FBN1: variants seen among roughly 807,000 people sequenced by gnomAD.
The protein encoded by FBN1 is fibrillin-1.
A neutral mutation model predicts 365.1 loss-of-function variants in FBN1; 29 were observed. That is an observed-to-expected ratio of 0.08 (90% CI 0.06 to 0.11). The LOEUF is 0.11. Among genes scored for constraint, FBN1 ranks in the 10% least tolerant of loss-of-function variants. The probability of loss-of-function intolerance (pLI) is 1.00; values close to 1 mark genes in which losing one functional copy is unlikely to be tolerated. For synonymous variants in FBN1, 1,210 were observed against 1,270.5 expected, an observed-to-expected ratio of 0.95 and a Z score of 1.01; for missense variants, 2,476 against 3,703.2, an observed-to-expected ratio of 0.67 and a Z score of 8.60.
chr15:48,617,067 A>T (rs994243633), intron 2 of FBN1, among the ~76,000 whole-genome samples: 2 of 152,228 alleles, frequency 1.3e-5, no homozygotes, highest in Non-Finnish European at 2.9e-5. Flanking sequence ...GGACAAGATG[A>T]TATTTCATCC....
chr15:48,628,797 T>A (rs930737195), intron 2 of FBN1, among the ~76,000 whole-genome samples: 5 of 152,132 alleles, frequency 3.3e-5, no homozygotes, highest in African/African-American at 1.2e-4. Flanking sequence ...TCTGCCACCC[T>A]AATAGATCTA....
chr15:48,633,040 C>A (rs1265137939), intron 2 of FBN1, among the ~76,000 whole-genome samples: 1 of 152,182 alleles, frequency 6.6e-6, no homozygotes, highest in African/African-American at 2.4e-5. Flanking sequence ...CCTACATCTC[C>A]TCAGACATTA....
chr15:48,421,640 G>T lies in FBN1; in HGVS notation c.7617C>A (p.Gly2539=). Residue 2539 remains glycine, a synonymous_variant, in exon 62 of 66, where the codon GGC becomes GGA. Transcript: ENST00000316623. Reference sequence around the variant, plus strand: ...AGCTTCCAGGAGTGTTCTGGCAAATGCCCTTAGACCCGCACAGATTGATGT... The same window carrying T: ...AGCTTCCAGGAGTGTTCTGGCAAATTCCCTTAGACCCGCACAGATTGATGT... The part of the protein sequence containing the change: ...TSDINLCGSK[G]ICQNTPGSFT... 1.9e-6 allele frequency: 3 copies of T among 1,613,892 alleles called. No homozygotes were observed. Among genetic ancestry groups the T allele is most frequent in the Non-Finnish European group, 2.5e-6 (3 of 1,179,922 alleles).
chr15:48,529,319 C>A (rs1274760499), intron 8 of FBN1: 1 of 152,364 alleles, frequency 6.6e-6, no homozygotes, highest in Non-Finnish European at 1.5e-5. Context: ...AGAAGAGTCA[C>A]AAATGGCAGA....
chr15:48,462,739 T>G (rs2043288751), intron 42 of FBN1, among the ~76,000 whole-genome samples: 1 of 152,218 alleles, frequency 6.6e-6, no homozygotes, highest in Non-Finnish European at 1.5e-5. Context: ...GACAAGGAAT[T>G]ATGTTTCCCT....
chr15:48,526,834 C>T (rs530055913), intron 8 of FBN1, among the ~76,000 whole-genome samples: 1 of 152,296 alleles, frequency 6.6e-6, no homozygotes, highest in African/African-American at 2.4e-5. Context: ...CCCTAACCAA[C>T]GTCCCCTTCA....
intron 2 of FBN1, among the ~76,000 whole-genome samples, chr15:48,619,290 T>G (rs1193086133): frequency 2.0e-5 from 3 of 152,184 alleles, no homozygotes; most frequent in Non-Finnish European, 4.4e-5. Context: ...TTTGGGATTT[T>G]TTTTTATTTT....
intron 6 of FBN1, among the ~76,000 whole-genome samples, chr15:48,565,926 A>T (rs992503354): frequency 3.3e-5 from 5 of 152,218 alleles, no homozygotes; most frequent in African/African-American, 1.2e-4. Flanking sequence ...TAAAAATTTA[A>T]TAGAGCAGCT....
Position 48,411,312 on chromosome 15 carries a change from G to T in FBN1, c.8294C>A (p.Ala2765Asp). 2 of 1,614,072 alleles carry T rather than the reference G, an allele frequency of 1.2e-6. No individual in the cohort carries two copies. Among genetic ancestry groups the T allele is most frequent in the South Asian group, 2.2e-5 (2 of 91,076 alleles). ...SWDVEKTAIF[A>D]FNISHVSNKV... Reference sequence around the variant, plus strand: ...GTTACTGACGTGGGAAATATTGAAAGCAAAGATGGCTGTCTTCTCAACATC... The same window carrying T: ...GTTACTGACGTGGGAAATATTGAAATCAAAGATGGCTGTCTTCTCAACATC... Residue 2765 changes from alanine to aspartate, a missense_variant, in exon 66 of 66, where the codon GCT (alanine) becomes GAT (aspartate). Physicochemically the swap from Ala to Asp is moderately radical, Grantham distance 126. Transcript: ENST00000316623.
chr15:48,424,074 T>G (rs900090694), intron 60 of FBN1, among the ~76,000 whole-genome samples: 1 of 152,262 alleles, frequency 6.6e-6, no homozygotes, highest in Admixed American at 6.5e-5. Flanking sequence ...TTCATTTATA[T>G]GAATAAATTT....
intron 6 of FBN1, among the ~76,000 whole-genome samples, chr15:48,577,578 T>G (rs1403730564): frequency 6.6e-6 from 1 of 152,174 alleles, no homozygotes; most frequent in Non-Finnish European, 1.5e-5. Flanking sequence ...CTCTGGCATT[T>G]TCACAATAAG....
In FBN1 at chr15:48,434,727, G is replaced by A. The variant is rs750228625; in HGVS notation, c.6497-14C>T. 6.2e-7 allele frequency: 1 copy of A among 1,613,014 alleles called. No homozygotes were observed. Among genetic ancestry groups the A allele is most frequent in the Non-Finnish European group, 8.5e-7 (1 of 1,179,436 alleles). ...ATTCATCAGTATCTGCAAGAAACCA[G>A]GAATGTGTCCAAAACATGATGAATT... is the stretch of plus-strand genomic sequence containing the variant. On this transcript the variant is annotated splice_polypyrimidine_tract_variant and intron_variant, in intron 53 of 65. Transcript: ENST00000316623.
intron 12 of FBN1, among the ~76,000 whole-genome samples, chr15:48,514,057 T>A (rs1283383084): frequency 6.6e-6 from 1 of 152,192 alleles, no homozygotes; most frequent in East Asian, 1.9e-4. Flanking sequence ...GGTCTAACCA[T>A]ATCCAAGCAT....
chr15:48,537,858 A>G (rs1047706392), intron 6 of FBN1, 50 bp from the exon 7 acceptor site: 6 of 1,580,126 alleles, frequency 3.8e-6, no homozygotes, highest in African/African-American at 1.3e-5. Flanking sequence ...AGCAGGAACC[A>G]TCATGCAGAG....
At chr15:48,498,875 A>C (rs990018636) in intron 18 of FBN1, 110 bp downstream of exon 18, 5 of 1,038,334 alleles carry the variant, frequency 4.8e-6, no homozygotes, top group Non-Finnish European at 7.6e-6. Context: ...TGATGGCCAG[A>C]GAGGGAGTCA....
At chr15:48,521,915 ACTGGG>A (rs1440778771) in intron 9 of FBN1, among the ~76,000 whole-genome samples, 1 of 152,336 alleles carries the variant, frequency 6.6e-6, no homozygotes, top group Non-Finnish European at 1.5e-5. Context: ...CGTGTTAGGA[ACTGGG>A]CTGTACAGCA....
At position 48,510,066 on chromosome 15, in the gene FBN1, T is replaced by C; in HGVS notation, c.1692A>G (p.Thr564=). The C allele has an allele frequency of 1.2e-6, 2 of 1,613,464 alleles. No homozygotes were observed. The highest frequency in any genetic ancestry group is 1.7e-6 in the Non-Finnish European group (2 of 1,179,554). The stretch of plus-strand genomic sequence containing the variant: ...TACCTTCACAGTTCTTCCCATCTCG[T>C]GTAACATGAAAGCCCGCATTACACA... ...HCVCNAGFHV[T]RDGKNCEDMD... is the part of the protein sequence containing the mutation. The change falls in exon 14 of 66, where the codon ACA becomes ACG. Residue 564 remains threonine (T), a synonymous_variant. Coordinates refer to ENST00000316623, the MANE Select transcript of FBN1 (RefSeq NM_000138.5).
intron 6 of FBN1, among the ~76,000 whole-genome samples, chr15:48,559,898 A>G (rs1190005197): frequency 6.6e-6 from 1 of 152,210 alleles, no homozygotes; most frequent in African/African-American, 2.4e-5. Flanking sequence ...GTTTTCAGTC[A>G]TCTATTATCT....
chr15:48,447,256 G>A (rs917285447), intron 46 of FBN1, among the ~76,000 whole-genome samples: 2 of 152,056 alleles, frequency 1.3e-5, no homozygotes, highest in Non-Finnish European at 2.9e-5. Context: ...TGACTCACCT[G>A]GCATTACCCC....
Sources: gnomAD v4.1 joint callset for allele counts (sites outside exome capture counted in the v4.1 genomes callset) on GRCh38, gnomAD v4.1.1 for gene constraint, MANE v1.5 for transcripts, NCBI Gene and HGNC (gene_info 2026-07-23, HGNC 2026-07-21) for gene names.